SVEP1: variants seen among roughly 807,000 people sequenced by gnomAD.
SVEP1 encodes the protein sushi, von Willebrand factor type A, EGF and pentraxin domain containing 1.
Under a neutral mutation model 367.3 loss-of-function variants are expected in SVEP1, and 164 were observed. That is an observed-to-expected ratio of 0.45 (90% CI 0.39 to 0.51). The LOEUF is 0.51. SVEP1 is among the 20% of genes least tolerant of loss of function. SVEP1 has a pLI of 0.00. For synonymous variants in SVEP1, 1,666 were observed against 1,611.6 expected, an observed-to-expected ratio of 1.03 and a Z score of -0.81; for missense variants, 4,117 against 4,425.3, an observed-to-expected ratio of 0.93 and a Z score of 1.98.
At chr9:110,494,187 G>C (rs779128458) in intron 8 of SVEP1, among the ~76,000 whole-genome samples, 1 of 152,142 alleles carries the variant, frequency 6.6e-6, no homozygotes, top group Non-Finnish European at 1.5e-5. Flanking sequence ...CTAGGGATTA[G>C]GACAAGGATA....
chr9:110,463,656 TGAAAGAAAGAAAGGCAGGC>T (rs1461511708), intron 18 of SVEP1, among the ~76,000 whole-genome samples: 1 of 141,740 alleles, frequency 7.1e-6, no homozygotes, highest in Non-Finnish European at 1.5e-5. Context: ...GAAAGGCTGA[TGAAAGAAAGAAAGGCAGGC>T]GAAAGAAAGG....
chr9:110,455,783 T>C (rs1170753312), intron 21 of SVEP1, 80 bp from the exon 22 acceptor site: 4 of 1,138,890 alleles, frequency 3.5e-6, no homozygotes, highest in Non-Finnish European at 4.9e-6. Context: ...TAAAGGTAAT[T>C]ATCTCAATAA....
chr9:110,469,136 C>G (rs760336892), intron 16 of SVEP1, 35 bp from the exon 17 acceptor site: 1 of 1,580,666 alleles, frequency 6.3e-7, no homozygotes, highest in Admixed American at 1.8e-5. Flanking sequence ...ACTGAATAAA[C>G]TACAACGGTG....
chr9:110,393,499 C>T (rs1172877989), intron 40 of SVEP1, among the ~76,000 whole-genome samples: 2 of 152,190 alleles, frequency 1.3e-5, no homozygotes, highest in African/African-American at 2.4e-5. Flanking sequence ...GGGTTCATCT[C>T]ACTGGGGAGT....
intron 23 of SVEP1, among the ~76,000 whole-genome samples, chr9:110,450,887 G>C (rs1828683348): frequency 6.6e-6 from 1 of 152,134 alleles, no homozygotes; most frequent in Non-Finnish European, 1.5e-5. Context: ...AAACTTGCCT[G>C]TTTCTTTGAT....
chr9:110,558,994 AAAATT>A (rs1394175172), intron 1 of SVEP1, among the ~76,000 whole-genome samples: 1 of 152,134 alleles, frequency 6.6e-6, no homozygotes, highest in Non-Finnish European at 1.5e-5. Flanking sequence ...GACATTCAAT[AAAATT>A]AATTTTTGCT....
chr9:110,383,527 GTGGGGGGGTCTCATCC>G (rs1827473974), intron 43 of SVEP1, among the ~76,000 whole-genome samples: 1 of 59,688 alleles, frequency 1.7e-5, no homozygotes, highest in Non-Finnish European at 3.7e-5. Flanking sequence ...GACCCCTGTT[GTGGGGGGGTCTCATCC>G]GTGACCCCTG....
chr9:110,403,286 C>CCGGT (rs1827891155), intron 39 of SVEP1, among the ~76,000 whole-genome samples: 1 of 121,204 alleles, frequency 8.3e-6, no homozygotes, highest in Non-Finnish European at 1.6e-5. Flanking sequence ...ATTCCTTCCC[C>CCGGT]GCCACCGCCG....
chr9:110,392,983 G>C (rs1017793321), intron 40 of SVEP1, among the ~76,000 whole-genome samples: 2 of 152,152 alleles, frequency 1.3e-5, no homozygotes, highest in African/African-American at 4.8e-5. Context: ...ATTTCTCCAA[G>C]TAACTGAACA....
intron 36 of SVEP1, among the ~76,000 whole-genome samples, chr9:110,413,245 C>T (rs1828070560): frequency 6.8e-6 from 1 of 146,144 alleles, no homozygotes; most frequent in African/African-American, 2.6e-5. Context: ...TTTGTAGGGA[C>T]ATGGATGAAA....
At chr9:110,394,198 C>A (rs977047505) in intron 40 of SVEP1, among the ~76,000 whole-genome samples, 1 of 151,874 alleles carries the variant, frequency 6.6e-6, no homozygotes, top group Admixed American at 6.6e-5. Flanking sequence ...TTGCGGTTCA[C>A]CAATATCCGC....
intron 9 of SVEP1, among the ~76,000 whole-genome samples, chr9:110,488,706 TA>T (rs144779681): frequency 6.7e-6 from 1 of 149,512 alleles, no homozygotes; most frequent in African/African-American, 2.5e-5. Flanking sequence ...ACAAAAAAAT[TA>T]AAAAAAAACA....
At chr9:110,370,293 A>G (rs1479149256) in intron 46 of SVEP1, among the ~76,000 whole-genome samples, 1 of 152,124 alleles carries the variant, frequency 6.6e-6, no homozygotes, top group Non-Finnish European at 1.5e-5. Context: ...CTCCAAGTCC[A>G]CTGATTTTCC....
chr9:110,517,617 T>A (rs887458548), intron 3 of SVEP1, among the ~76,000 whole-genome samples: 105 of 129,844 alleles, frequency 8.1e-4, no homozygotes, highest in Non-Finnish European at 1.4e-3. Context: ...AAAAAAAATG[T>A]AAAAAATTAG....
intron 43 of SVEP1, among the ~76,000 whole-genome samples, chr9:110,384,831 C>T (rs1827495950): frequency 6.6e-6 from 1 of 152,136 alleles, no homozygotes; most frequent in Non-Finnish European, 1.5e-5. Context: ...AAGATGAAGA[C>T]CATTGTAGGC....
intron 3 of SVEP1, among the ~76,000 whole-genome samples, chr9:110,541,493 C>G (rs941183476): frequency 3.9e-5 from 6 of 151,952 alleles, no homozygotes; most frequent in Admixed American, 2.0e-4. Context: ...GGATAATACC[C>G]CTAGTCTAGC....
At chr9:110,396,329 T>A (rs1431762999) in intron 40 of SVEP1, among the ~76,000 whole-genome samples, 1 of 151,930 alleles carries the variant, frequency 6.6e-6, no homozygotes, top group African/African-American at 2.4e-5. Flanking sequence ...TACCAGAATC[T>A]CTGGGACACA....
chr9:110,577,293 T>A, intron 1 of SVEP1, among the ~76,000 whole-genome samples: 1 of 152,050 alleles, frequency 6.6e-6, no homozygotes, highest in East Asian at 1.9e-4. Context: ...ACAAATGAGA[T>A]AGAGAATGGG....
chr9:110,431,905 T>C lies in SVEP1; in HGVS notation c.5353+10A>G. On this transcript the variant is annotated intron_variant, in intron 32 of 47. Coordinates refer to ENST00000374469, the MANE Select transcript of SVEP1 (RefSeq NM_153366.4). ...AATTAGGAACTTTTAGTTCTACATA[T>C]ATTGGTTACCTGCACAGTTTTTCCC... The C allele has an allele frequency of 6.2e-7, 1 of 1,613,432 alleles. No homozygotes were observed.
Sources: gnomAD v4.1 joint callset for allele counts (sites outside exome capture counted in the v4.1 genomes callset) on GRCh38, gnomAD v4.1.1 for gene constraint, MANE v1.5 for transcripts, NCBI Gene and HGNC (gene_info 2026-07-23, HGNC 2026-07-21) for gene names.